Variants in PRKN observed in about 807,000 individuals in gnomAD.
The protein encoded by PRKN is E3 ubiquitin-protein ligase parkin.
In PRKN, 56 loss-of-function variants were observed where a neutral mutation model predicts 59.5. That is an observed-to-expected ratio of 0.94 (90% CI 0.76 to 1.18). PRKN has a LOEUF of 1.18. Ranked by LOEUF, PRKN falls within the 50% of genes most tolerant of loss-of-function variation. PRKN has a pLI of 0.00. For synonymous variants in PRKN, 250 were observed against 222.1 expected (o/e 1.13, Z -1.12); for missense variants, 657 against 596.4 (o/e 1.10, Z -1.06).
At chr6:162,003,718 C>T (rs774693531) in intron 5 of PRKN, among the ~76,000 whole-genome samples, 10 of 152,158 alleles carry the variant, frequency 6.6e-5, no homozygotes, top group Non-Finnish European at 8.8e-5. Flanking sequence ...TCAATTGGAA[C>T]ACCTCATAAT....
At chr6:162,091,909 G>A (rs1311761776) in intron 4 of PRKN, among the ~76,000 whole-genome samples, 4 of 151,974 alleles carry the variant, frequency 2.6e-5, no homozygotes, top group African/African-American at 9.7e-5. Flanking sequence ...GGTGGCACAT[G>A]CCTGTAGTTC....
Position 161,561,768 on chromosome 6 carries a change from G to C in PRKN, c.933+7587C>G, listed in dbSNP as rs987361985. ...AATCCTTCCTGTGAGTGTAAAACAA[G>C]TTCTGGCCCTTCGATCTTTAAAGAA... On this transcript the variant is annotated intron_variant, in intron 8 of 11. Coordinates refer to ENST00000366898, the MANE Select transcript of PRKN (RefSeq NM_004562.3). The surrounding 1 kb of genome is among the most constrained non-coding windows in gnomAD (Gnocchi z 5.0). Among the ~76,000 whole-genome samples, 5 of 152,088 alleles carry C rather than the reference G, an allele frequency of 3.3e-5. No individual in the cohort carries two copies. The highest frequency in any genetic ancestry group is 5.9e-5 in the Non-Finnish European group (4 of 68,032).
chr6:162,055,336 T>G (rs1777813429), intron 4 of PRKN, among the ~76,000 whole-genome samples: 1 of 152,166 alleles, frequency 6.6e-6, no homozygotes, highest in African/African-American at 2.4e-5. Context: ...AGCAATACCT[T>G]CAATTTCAAC....
At chr6:162,511,784 A>T (rs1032419137) in intron 1 of PRKN, among the ~76,000 whole-genome samples, 13 of 152,184 alleles carry the variant, frequency 8.5e-5, no homozygotes, top group Non-Finnish European at 5.9e-5. Flanking sequence ...ATGATACGTG[A>T]TCTACAGCTT....
intron 4 of PRKN, among the ~76,000 whole-genome samples, chr6:162,071,597 A>G (rs1462539861): frequency 1.2e-5 from 1 of 82,834 alleles, no homozygotes; most frequent in Non-Finnish European, 2.3e-5. Context: ...TACTGAATTT[A>G]ATTTTTTTTT....
At chr6:162,460,277 T>A (rs1791090226) in intron 1 of PRKN, among the ~76,000 whole-genome samples, 1 of 152,204 alleles carries the variant, frequency 6.6e-6, no homozygotes, top group Non-Finnish European at 1.5e-5. Flanking sequence ...TAAGATGTTG[T>A]ATGATTCCAT....
At chr6:162,215,581 T>C (rs1309259764) in intron 3 of PRKN, among the ~76,000 whole-genome samples, 4 of 152,214 alleles carry the variant, frequency 2.6e-5, no homozygotes, top group African/African-American at 7.2e-5. Context: ...AACCACATCA[T>C]GCAGGGAAGG....
In PRKN at chr6:161,360,050, C is replaced by T; in HGVS notation, c.1285+38G>A. On this transcript the variant is annotated intron_variant, in intron 11 of 11. Transcript: ENST00000366898. This position sits in a 1 kb window ranked among gnomAD's most constrained non-coding sequence, Gnocchi z 5.1. ...ATGGGTATGATTCTCCCCCAAAGAG[C>T]ACACGACATCCTCATTCTCTGCTCA... The T allele has an allele frequency of 7.0e-7, 1 of 1,423,982 alleles. No homozygotes were observed. Among genetic ancestry groups the T allele is most frequent in the Non-Finnish European group, 9.9e-7 (1 of 1,006,442 alleles). 88.2% of individuals were successfully genotyped at this position (1,423,982 alleles called of 1,614,324 possible). A position where few individuals can be genotyped will look rare whatever the true frequency, so the allele number is the denominator to read the frequency against.
intron 1 of PRKN, among the ~76,000 whole-genome samples, chr6:162,618,386 C>T (rs62429074): frequency 0.016 from 2,360 of 152,248 alleles, 39 homozygotes; most frequent in Admixed American, 0.056. Flanking sequence ...AGTTTCTACA[C>T]TGCCTTTATA....
Position 162,446,475 on chromosome 6 carries a change from T to C in PRKN, c.8-3002A>G, listed in dbSNP as rs183150072. ...GGGAAACTGCAAAAAATATTAAAGATACCTCTGTCCAACTACTGAAATCCT... is the reference window on the plus strand; with the variant it reads ...GGGAAACTGCAAAAAATATTAAAGACACCTCTGTCCAACTACTGAAATCCT... On this transcript the variant is annotated intron_variant, in intron 1 of 11. Coordinates refer to ENST00000366898, the MANE Select transcript of PRKN (RefSeq NM_004562.3). Among the ~76,000 whole-genome samples the C allele has an allele frequency of 7.2e-5, 11 of 152,296 alleles. No homozygotes were observed. In the East Asian group the frequency reaches 1.9e-3, roughly 27 times the overall value.
intron 4 of PRKN, among the ~76,000 whole-genome samples, chr6:162,133,659 A>G (rs1355050978): frequency 6.6e-6 from 1 of 152,156 alleles, no homozygotes; most frequent in Non-Finnish European, 1.5e-5. Context: ...ATAATAATAG[A>G]GAAGAGTTTT....
At position 161,505,518 on chromosome 6, in the gene PRKN, T is replaced by C. The variant is rs191047805; in HGVS notation, c.1083+43336A>G. On this transcript the variant is annotated intron_variant, in intron 9 of 11. Transcript: ENST00000366898. Reference sequence around the variant, plus strand: ...GTAGTTTCTTTTGCTGTGCAGAAGCTGTTTAGTTTAATGAGATCCCATTTG... The same window carrying C: ...GTAGTTTCTTTTGCTGTGCAGAAGCCGTTTAGTTTAATGAGATCCCATTTG... Among the ~76,000 whole-genome samples the C allele has an allele frequency of 6.8e-3, 1,038 of 152,274 alleles. 18 individuals are homozygous for C. The highest frequency in any genetic ancestry group is 0.024 in the African/African-American group (991 of 41,530).
chr6:162,262,684 C>A lies in PRKN; in HGVS notation c.253G>T (p.Gly85Cys), dbSNP rs1042122187. ...RKGQEMNATG[G>C]DDPRNAAGGC... is the part of the protein sequence containing the mutation. ...CCCGCCGCGTTTCTGGGGTCGTCGCCTCCAGTTGCATTCATTTCTTGACCT... is the reference window on the plus strand; with the variant it reads ...CCCGCCGCGTTTCTGGGGTCGTCGCATCCAGTTGCATTCATTTCTTGACCT... The change falls in exon 3 of 12, where the codon GGC becomes TGC. Residue 85 changes from glycine to cysteine, a missense_variant. Coordinates refer to ENST00000366898, the MANE Select transcript of PRKN (RefSeq NM_004562.3). 3 of 1,613,248 alleles carry A rather than the reference C, an allele frequency of 1.9e-6. No individual in the cohort carries two copies. The highest frequency in any genetic ancestry group is 4.5e-5 in the East Asian group (2 of 44,840).
At chr6:162,512,436 C>T (rs998330917) in intron 1 of PRKN, among the ~76,000 whole-genome samples, 1 of 152,204 alleles carries the variant, frequency 6.6e-6, no homozygotes, top group Non-Finnish European at 1.5e-5. Context: ...ATGCAACTCA[C>T]ATTTTCAGCT....
chr6:162,452,938 A>G (rs1035454326), intron 1 of PRKN, among the ~76,000 whole-genome samples: 1 of 152,220 alleles, frequency 6.6e-6, no homozygotes, highest in Non-Finnish European at 1.5e-5. Context: ...AGGGATGACA[A>G]TATTATTAAT....
intron 5 of PRKN, among the ~76,000 whole-genome samples, chr6:161,996,201 C>A (rs538050648): frequency 6.6e-6 from 1 of 152,138 alleles, no homozygotes; most frequent in South Asian, 2.1e-4. Flanking sequence ...CACATACACA[C>A]GAGTACTAAT....
chr6:161,959,890 C>T (rs373717272), intron 6 of PRKN, among the ~76,000 whole-genome samples: 19 of 152,194 alleles, frequency 1.2e-4, no homozygotes, highest in African/African-American at 4.1e-4. Flanking sequence ...ATTGATCTGC[C>T]CCCAGTCAGA....
In PRKN at chr6:162,429,941, G is replaced by C. The variant is rs186665290; in HGVS notation, c.171+13369C>G. ...CATTCTCACTTTTGCCATTTGTTTA[G>C]TCACAGCAAATAATTGTAATTCTAA... On this transcript the variant is annotated intron_variant, in intron 2 of 11. Transcript: ENST00000366898. Among the ~76,000 whole-genome samples the C allele has an allele frequency of 1.9e-3, 285 of 152,244 alleles. 3 individuals are homozygous for C. The highest frequency in any genetic ancestry group is 1.1e-3 in the Non-Finnish European group (76 of 68,010).
Position 162,589,230 on chromosome 6 carries a change from T to C in PRKN, c.7+138432A>G, listed in dbSNP as rs1208757355. 5.9e-5 allele frequency among the ~76,000 whole-genome samples: 9 copies of C among 152,192 alleles called. No homozygotes were observed. In the South Asian group the frequency reaches 6.2e-4, roughly 10 times the overall value. Reference sequence around the variant, plus strand: ...CCTTGAGATAGTTCACATGGGGTCATACCTACGCAGATTTTAAAAATACCA... The same window carrying C: ...CCTTGAGATAGTTCACATGGGGTCACACCTACGCAGATTTTAAAAATACCA... On this transcript the variant is annotated intron_variant, in intron 1 of 11. Coordinates refer to ENST00000366898, the MANE Select transcript of PRKN (RefSeq NM_004562.3).
Sources: gnomAD v4.1 joint callset for allele counts (sites outside exome capture counted in the v4.1 genomes callset) on GRCh38, gnomAD v4.1.1 for gene constraint, Gnocchi (gnomAD v3.1) non-coding constraint, MANE v1.5 for transcripts, NCBI Gene and HGNC (gene_info 2026-07-23, HGNC 2026-07-21) for gene names.